The following ST3GAL3 variants were observed in gnomAD, a reference collection of about 807,000 sequenced individuals.
The protein encoded by ST3GAL3 is ST3 beta-galactoside alpha-2,3-sialyltransferase 3.
In ST3GAL3, 21 loss-of-function variants were observed where a neutral mutation model predicts 50.1. The observed-to-expected ratio is 0.42, with a 90% CI of 0.30 to 0.60. ST3GAL3 has a LOEUF of 0.60. ST3GAL3 is among the 20% of genes least tolerant of loss of function. ST3GAL3 has a pLI of 0.19. For missense variants in ST3GAL3, 353 were observed against 489.4 expected (o/e 0.72, Z 2.63); for synonymous variants, 183 against 190.0 (o/e 0.96, Z 0.30).
intron 2 of ST3GAL3, among the ~76,000 whole-genome samples, chr1:43,791,409 T>C (rs1330856734): frequency 6.8e-6 from 1 of 146,962 alleles, no homozygotes; most frequent in South Asian, 2.1e-4. Context: ...TGCATATTTA[T>C]TGGACATTTG....
At position 43,917,582 on chromosome 1, in the gene ST3GAL3, G is replaced by A. The variant is rs867756300; in HGVS notation, c.745-2822G>A. Among the ~76,000 whole-genome samples the A allele has an allele frequency of 4.0e-3, 212 of 53,238 alleles. 1 individual carries two copies. Among genetic ancestry groups the A allele is most frequent in the African/African-American group, 0.014 (187 of 13,772 alleles). The allele number at this position is 53,238 out of a possible 152,430, so 34.9% of individuals were successfully genotyped here. ...TATATTATATTATATAATATATTAC[G>A]TATTATATATAATATATATATTATA... On this transcript the variant is annotated intron_variant, in intron 9 of 11. Transcript: ENST00000347631.
At chr1:43,871,384 G>T (rs1252570684) in intron 5 of ST3GAL3, among the ~76,000 whole-genome samples, 1 of 152,122 alleles carries the variant, frequency 6.6e-6, no homozygotes, top group African/African-American at 2.4e-5. Context: ...GCCCATGGGT[G>T]AGGACTGTTG....
chr1:43,845,592 A>G (rs1245153620), intron 5 of ST3GAL3, among the ~76,000 whole-genome samples: 1 of 151,964 alleles, frequency 6.6e-6, no homozygotes. Flanking sequence ...ACTAGCTTTT[A>G]GTTCCATTGG....
chr1:43,743,045 G>A (rs189517798), intron 2 of ST3GAL3, among the ~76,000 whole-genome samples: 74 of 148,458 alleles, frequency 5.0e-4, no homozygotes, highest in Non-Finnish European at 6.5e-4. Flanking sequence ...AGCCGAGATC[G>A]CGCCACTGCA....
chr1:43,892,350 C>G (rs756666871), intron 5 of ST3GAL3, among the ~76,000 whole-genome samples: 4 of 152,054 alleles, frequency 2.6e-5, no homozygotes, highest in Non-Finnish European at 5.9e-5. Flanking sequence ...CTCAACCCCC[C>G]GAGCTCAAGT....
At chr1:43,783,749 G>C (rs1180781384) in intron 2 of ST3GAL3, among the ~76,000 whole-genome samples, 1 of 151,754 alleles carries the variant, frequency 6.6e-6, no homozygotes, top group Admixed American at 6.6e-5. Flanking sequence ...CCCACCCCCC[G>C]CAGTCTTAGA....
chr1:43,859,515 C>T (rs1167231495), intron 5 of ST3GAL3, among the ~76,000 whole-genome samples: 5 of 151,846 alleles, frequency 3.3e-5, no homozygotes, highest in African/African-American at 1.2e-4. Flanking sequence ...GCCGAGATCA[C>T]GCCATTGCAC....
chr1:43,749,112 C>T (rs902562673), intron 2 of ST3GAL3, among the ~76,000 whole-genome samples: 1 of 152,128 alleles, frequency 6.6e-6, no homozygotes, highest in African/African-American at 2.4e-5. Flanking sequence ...GATAGGGAGT[C>T]TTTTCAATAT....
intron 2 of ST3GAL3, among the ~76,000 whole-genome samples, chr1:43,740,849 A>T (rs745644713): frequency 2.1e-5 from 3 of 143,294 alleles, no homozygotes; most frequent in Non-Finnish European, 3.0e-5. Flanking sequence ...AGAGAAGGAG[A>T]GAGGGAGTGA....
At chr1:43,865,039 CAG>C (rs1034691048) in intron 5 of ST3GAL3, among the ~76,000 whole-genome samples, 93 of 143,194 alleles carry the variant, frequency 6.5e-4, no homozygotes, top group African/African-American at 2.3e-3. Context: ...TTTTTTGAGA[CAG>C]AGTCTTGCTC....
At chr1:43,736,403 A>G in intron 2 of ST3GAL3, 23 bp downstream of exon 2, 1 of 1,613,996 alleles carries the variant, frequency 6.2e-7, no homozygotes, top group Non-Finnish European at 8.5e-7. Context: ...ACTCTAGCTC[A>G]CCCCAGGAGA....
At chr1:43,715,747 T>C (rs940396906) in intron 1 of ST3GAL3, among the ~76,000 whole-genome samples, 2 of 152,170 alleles carry the variant, frequency 1.3e-5, no homozygotes, top group African/African-American at 4.8e-5. Context: ...GTGATCATGG[T>C]ACTGCACTTC....
intron 5 of ST3GAL3, among the ~76,000 whole-genome samples, chr1:43,846,311 A>G (rs899627921): frequency 5.3e-5 from 8 of 152,142 alleles, no homozygotes; most frequent in African/African-American, 1.9e-4. Context: ...GTTGTATCCC[A>G]TTTCTAATAG....
intron 2 of ST3GAL3, among the ~76,000 whole-genome samples, chr1:43,773,408 A>C (rs1385551722): frequency 2.6e-5 from 4 of 152,126 alleles, no homozygotes; most frequent in Non-Finnish European, 5.9e-5. Context: ...AATCCTTTTT[A>C]TTTATTTGTT....
intron 5 of ST3GAL3, chr1:43,879,033 CAAGAG>C (rs777923605): frequency 4.4e-6 from 2 of 456,186 alleles, no homozygotes. Context: ...ACAGAGAAAA[CAAGAG>C]AAGATGACAT....
intron 4 of ST3GAL3, chr1:43,824,946 T>C: frequency 1.4e-6 from 1 of 717,918 alleles, no homozygotes; most frequent in South Asian, 1.5e-5. Context: ...AAAGATTCTG[T>C]TTCCTGTCTC....
At chr1:43,734,792 C>T (rs1441038322) in intron 1 of ST3GAL3, among the ~76,000 whole-genome samples, 1 of 151,990 alleles carries the variant, frequency 6.6e-6, no homozygotes, top group Non-Finnish European at 1.5e-5. Flanking sequence ...TTTTGTCACA[C>T]CATTATTAAT....
intron 2 of ST3GAL3, among the ~76,000 whole-genome samples, chr1:43,744,753 G>A (rs1209622079): frequency 1.3e-5 from 2 of 151,448 alleles, no homozygotes; most frequent in East Asian, 3.9e-4. Context: ...TGTAATACCA[G>A]CACTTTGGGA....
chr1:43,764,240 G>A (rs1245865491), intron 2 of ST3GAL3, among the ~76,000 whole-genome samples: 2 of 152,120 alleles, frequency 1.3e-5, no homozygotes, highest in Non-Finnish European at 2.9e-5. Context: ...TCTCAGAGGG[G>A]CCCTCAAAAT....
Sources: gnomAD v4.1 joint callset for allele counts (sites outside exome capture counted in the v4.1 genomes callset) on GRCh38, gnomAD v4.1.1 for gene constraint, MANE v1.5 for transcripts, NCBI Gene and HGNC (gene_info 2026-07-23, HGNC 2026-07-21) for gene names.